The following ANKS1B variants were observed in gnomAD, a reference collection of about 807,000 sequenced individuals.
ANKS1B encodes ankyrin repeat and sterile alpha motif domain-containing protein 1B.
A neutral mutation model predicts 148.3 loss-of-function variants in ANKS1B; 36 were observed. The ratio of observed to expected loss-of-function variants is 0.24; its 90% CI spans 0.19 to 0.32. The LOEUF is 0.32. Among genes scored for constraint, ANKS1B ranks in the 10% least tolerant of loss-of-function variants. ANKS1B has a pLI of 1.00. For missense variants in ANKS1B, 1,157 were observed against 1,542.6 expected (o/e 0.75, Z 4.19); for synonymous variants, 542 against 560.8 (o/e 0.97, Z 0.47).
chr12:99,105,129 A>G (rs1157787843), intron 15 of ANKS1B: 6 of 152,226 alleles, frequency 3.9e-5, no homozygotes, highest in Non-Finnish European at 7.3e-5. Flanking sequence ...GACCATCTAG[A>G]AAAGTATTTT....
chr12:98,866,027 C>A (rs2099622785), intron 17 of ANKS1B, among the ~76,000 whole-genome samples: 1 of 152,068 alleles, frequency 6.6e-6, no homozygotes, highest in Non-Finnish European at 1.5e-5. Flanking sequence ...GAGGGTGTCT[C>A]TAGGTTGTTG....
intron 9 of ANKS1B, among the ~76,000 whole-genome samples, chr12:99,546,924 G>C (rs1291335710): frequency 6.6e-6 from 1 of 152,054 alleles, no homozygotes; most frequent in Non-Finnish European, 1.5e-5. Flanking sequence ...GATTATTTTA[G>C]CAAGAGGAAA....
chr12:99,954,774 T>C (rs1272213896), intron 1 of ANKS1B, among the ~76,000 whole-genome samples: 1 of 152,100 alleles, frequency 6.6e-6, no homozygotes, highest in Non-Finnish European at 1.5e-5. Flanking sequence ...GCTGCAATCC[T>C]ACAATGCAAA....
chr12:98,894,204 GCGA>G (rs950150612), intron 17 of ANKS1B, among the ~76,000 whole-genome samples: 5 of 152,144 alleles, frequency 3.3e-5, no homozygotes, highest in Non-Finnish European at 5.9e-5. Context: ...TTCCTTAAAG[GCGA>G]TGCACAGCGC....
chr12:98,897,578 G>A (rs1473378450), intron 17 of ANKS1B, among the ~76,000 whole-genome samples: 1 of 152,166 alleles, frequency 6.6e-6, no homozygotes, highest in African/African-American at 2.4e-5. Context: ...AGATGTTGGT[G>A]AGGTTGCCGA....
chr12:99,438,103 CTTT>C (rs1007080788), intron 11 of ANKS1B, among the ~76,000 whole-genome samples: 1 of 151,704 alleles, frequency 6.6e-6, no homozygotes, highest in Admixed American at 6.6e-5. Flanking sequence ...TGTCTTTCTT[CTTT>C]TATTTTTCTC....
intron 4 of ANKS1B, among the ~76,000 whole-genome samples, chr12:99,795,348 G>A (rs1258430860): frequency 6.6e-6 from 1 of 151,788 alleles, no homozygotes; most frequent in African/African-American, 2.4e-5. Flanking sequence ...AATAAAGTCA[G>A]AAGAAAGTAT....
At chr12:99,313,121 A>G (rs1197009094) in intron 12 of ANKS1B, among the ~76,000 whole-genome samples, 1 of 152,214 alleles carries the variant, frequency 6.6e-6, no homozygotes. Flanking sequence ...AATACAAGCT[A>G]CTATCAGAGA....
At chr12:98,781,931 T>A (rs940698857) in intron 23 of ANKS1B, among the ~76,000 whole-genome samples, 195 bp downstream of exon 23, 16 of 152,224 alleles carry the variant, frequency 1.1e-4, no homozygotes, top group African/African-American at 3.6e-4. Flanking sequence ...TTGTGATAGA[T>A]GTTCACACTG....
chr12:99,636,157 T>C (rs945995136), intron 9 of ANKS1B, among the ~76,000 whole-genome samples: 8 of 152,248 alleles, frequency 5.3e-5, no homozygotes, highest in Admixed American at 2.0e-4. Context: ...ATCTAGAATA[T>C]ACAGTCTAGA....
At chr12:99,195,160 A>G (rs1251544220) in intron 14 of ANKS1B, among the ~76,000 whole-genome samples, 2 of 152,114 alleles carry the variant, frequency 1.3e-5, no homozygotes, top group African/African-American at 4.8e-5. Flanking sequence ...AGCTATGCCA[A>G]TATATTAGAT....
intron 17 of ANKS1B, among the ~76,000 whole-genome samples, chr12:98,865,556 G>A (rs1400788696): frequency 1.3e-5 from 2 of 152,126 alleles, no homozygotes; most frequent in Admixed American, 1.3e-4. Flanking sequence ...ATGAACATAA[G>A]AATAATTAAA....
chr12:99,201,323 G>GA (rs145577403), intron 14 of ANKS1B, among the ~76,000 whole-genome samples: 10,732 of 146,596 alleles, frequency 0.073, 808 homozygotes, highest in African/African-American at 0.2. Flanking sequence ...TTCCTGAGTG[G>GA]AAAAAAAAAA....
At chr12:99,983,598 G>T (rs894757034) in intron 1 of ANKS1B, among the ~76,000 whole-genome samples, 2 of 152,202 alleles carry the variant, frequency 1.3e-5, no homozygotes, top group Non-Finnish European at 2.9e-5. Context: ...TCACCAGAAA[G>T]AAGGTTCACT....
At chr12:99,587,936 A>C (rs2097659978) in intron 9 of ANKS1B, among the ~76,000 whole-genome samples, 1 of 152,216 alleles carries the variant, frequency 6.6e-6, no homozygotes, top group Non-Finnish European at 1.5e-5. Context: ...ACAAGAAAAA[A>C]GTGTTACAGA....
intron 17 of ANKS1B, among the ~76,000 whole-genome samples, chr12:98,857,736 G>A (rs989654450): frequency 9.2e-5 from 14 of 151,774 alleles, no homozygotes; most frequent in African/African-American, 3.4e-4. Context: ...TATTTATGGG[G>A]GTCAGTAAAT....
rs192869705 is a variant in ANKS1B at position 99,241,716 on chromosome 12, C to T, written c.2419+2626G>A. The stretch of plus-strand genomic sequence containing the variant: ...TTATCCACCACGATCAGATTGGCTT[C>T]ATCCCTGGGAGGCCAGGTTGGTTCA... On this transcript the variant is annotated intron_variant, in intron 14 of 26. Transcript: ENST00000683438. Among the ~76,000 whole-genome samples, 1,179 of 152,334 alleles carry T rather than the reference C, an allele frequency of 7.7e-3. 10 individuals are homozygous for T. Among genetic ancestry groups the T allele is most frequent in the South Asian group, 0.029 (138 of 4,826 alleles).
intron 1 of ANKS1B, among the ~76,000 whole-genome samples, chr12:99,889,315 A>G (rs2092983560): frequency 2.0e-5 from 3 of 152,156 alleles, no homozygotes; most frequent in African/African-American, 7.2e-5. Flanking sequence ...AAGATCTCCA[A>G]CCTAACAAAT....
intron 8 of ANKS1B, among the ~76,000 whole-genome samples, chr12:99,756,986 TA>T (rs139663703): frequency 1.3e-5 from 2 of 151,372 alleles, no homozygotes; most frequent in Non-Finnish European, 2.9e-5. Flanking sequence ...CCCAAAACTA[TA>T]AAAAAAATCC....
Sources: gnomAD v4.1 joint callset for allele counts (sites outside exome capture counted in the v4.1 genomes callset) on GRCh38, gnomAD v4.1.1 for gene constraint, MANE v1.5 for transcripts, NCBI Gene and HGNC (gene_info 2026-07-23, HGNC 2026-07-21) for gene names.